The following NOTCH2NLB variants were observed in gnomAD, a reference collection of about 807,000 sequenced individuals.
NOTCH2NLB encodes the protein notch 2 N-terminal like B, also known as notch homolog 2 N-terminal-like protein B.
NOTCH2NLB carries 1 observed loss-of-function variant against 14.8 expected under a neutral mutation model. That is an observed-to-expected ratio of 0.07 (90% confidence interval 0.02 to 0.32). NOTCH2NLB has a LOEUF of 0.32. NOTCH2NLB is among the 10% of genes least tolerant of loss of function. NOTCH2NLB has a pLI of 1.00. For synonymous variants in NOTCH2NLB, 6 were observed against 57.5 expected (o/e 0.10, Z 4.05); for missense variants, 11 against 155.0 (o/e 0.07, Z 4.93).
At chr1:148,703,218 A>G in the NOTCH2NLB span, among the ~76,000 whole-genome samples, 22 of 76,820 alleles carry the variant, frequency 2.9e-4, no homozygotes, top group Middle Eastern at 8.5e-3. Context: ...TGAACCCAGG[A>G]GGCGGAGCTT....
At chr1:148,673,574 A>G (rs1664792134) in intron 1 of NOTCH2NLB, among the ~76,000 whole-genome samples, 1 of 102,740 alleles carries the variant, frequency 9.7e-6, no homozygotes, top group Non-Finnish European at 2.1e-5. Context: ...ATTCTAATGG[A>G]GGAATAAGGA....
chr1:148,693,085 G>A, the NOTCH2NLB span, among the ~76,000 whole-genome samples: 2 of 89,432 alleles, frequency 2.2e-5, no homozygotes, highest in African/African-American at 1.5e-4. Flanking sequence ...GAAGAAGAGA[G>A]CCGCCCCCCC....
At chr1:148,685,063 C>T in the NOTCH2NLB span, among the ~76,000 whole-genome samples, 3 of 59,400 alleles carry the variant, frequency 5.1e-5, no homozygotes, top group East Asian at 5.4e-4. Context: ...GGAGGTATTA[C>T]ACTTCAATTC....
chr1:148,661,120 GATGGGAT>G (rs1195634585), intron 1 of NOTCH2NLB, among the ~76,000 whole-genome samples: 2 of 144,882 alleles, frequency 1.4e-5, no homozygotes, highest in East Asian at 3.9e-4. Flanking sequence ...AGCAGATGCT[GATGGGAT>G]GATTGCACAT....
intron 1 of NOTCH2NLB, among the ~76,000 whole-genome samples, chr1:148,670,562 A>ATATATATATG (rs1664754774): frequency 1.4e-5 from 2 of 139,056 alleles, no homozygotes; most frequent in African/African-American, 5.1e-5. Context: ...ACATATATAT[A>ATATATATATG]TATATATATA....
chr1:148,680,704 G>A (rs1167617863), upstream of NOTCH2NLB, among the ~76,000 whole-genome samples: 3 of 145,668 alleles, frequency 2.1e-5, no homozygotes, highest in African/African-American at 4.9e-5. Context: ...GAAAATAATC[G>A]CAGAGGGAGA....
At chr1:148,693,444 CA>C in the NOTCH2NLB span, among the ~76,000 whole-genome samples, 1 of 135,680 alleles carries the variant, frequency 7.4e-6, no homozygotes, top group South Asian at 2.7e-4. Context: ...CTCCATTTAA[CA>C]AATAAAGATA....
intron 1 of NOTCH2NLB, among the ~76,000 whole-genome samples, chr1:148,661,401 C>T (rs1424323336): frequency 6.7e-6 from 1 of 150,054 alleles, no homozygotes; most frequent in African/African-American, 2.4e-5. Flanking sequence ...ATACTTAATT[C>T]AGATATTCAA....
the NOTCH2NLB span, among the ~76,000 whole-genome samples, chr1:148,697,835 GC>G: frequency 1.9e-5 from 1 of 52,412 alleles, no homozygotes; most frequent in Non-Finnish European, 4.4e-5. Context: ...AGATAAATAA[GC>G]TGTCCCCTCA....
chr1:148,686,388 AAAG>A, the NOTCH2NLB span, among the ~76,000 whole-genome samples: 1 of 10,020 alleles, frequency 1.0e-4, no homozygotes, highest in Admixed American at 1.2e-3. Context: ...CTAAGCAGAA[AAAG>A]AAGAACAGAT....
downstream of NOTCH2NLB, among the ~76,000 whole-genome samples, chr1:148,606,739 TG>T (rs1249954501): frequency 1.3e-5 from 1 of 74,262 alleles, no homozygotes; most frequent in Non-Finnish European, 2.3e-5. Flanking sequence ...CAGTGAAGAG[TG>T]TAACAAAGTA....
chr1:148,604,472 T>TAA (rs1270838778), downstream of NOTCH2NLB, among the ~76,000 whole-genome samples: 4 of 38,350 alleles, frequency 1.0e-4, no homozygotes, highest in African/African-American at 5.2e-4. Context: ...CAGAATACTT[T>TAA]AACAAGCTAC....
chr1:148,700,004 C>A, the NOTCH2NLB span, among the ~76,000 whole-genome samples: 3 of 91,726 alleles, frequency 3.3e-5, 1 homozygote, highest in Non-Finnish European at 7.2e-5. Context: ...TATCCATTAG[C>A]TATTCTTCCC....
At chr1:148,627,801 T>C (rs1200901517) in intron 2 of NOTCH2NLB, among the ~76,000 whole-genome samples, 5 of 141,358 alleles carry the variant, frequency 3.5e-5, no homozygotes, top group Non-Finnish European at 7.8e-5. Context: ...AAATTATTAA[T>C]TCTCATACTC....
At chr1:148,616,387 A>AACTT (rs1322306516) in intron 2 of NOTCH2NLB, among the ~76,000 whole-genome samples, 1 of 148,706 alleles carries the variant, frequency 6.7e-6, no homozygotes, top group Non-Finnish European at 1.5e-5. Flanking sequence ...ATAATGCATG[A>AACTT]ACTTGACCCT....
At chr1:148,645,895 C>T (rs1185093727) in intron 1 of NOTCH2NLB, among the ~76,000 whole-genome samples, 11 of 150,564 alleles carry the variant, frequency 7.3e-5, no homozygotes, top group Admixed American at 4.0e-4. Context: ...TGAAGCAATG[C>T]AGTTAAGCAG....
chr1:148,628,206 G>A (rs1161247476), intron 2 of NOTCH2NLB, among the ~76,000 whole-genome samples: 6 of 127,938 alleles, frequency 4.7e-5, no homozygotes, highest in Non-Finnish European at 7.9e-5. Context: ...GTCTTTCATC[G>A]GTTGTTGATA....
At chr1:148,604,924 C>A (rs1663459690), downstream of NOTCH2NLB, among the ~76,000 whole-genome samples, 1 of 138,670 alleles carries the variant, frequency 7.2e-6, no homozygotes. Context: ...TATGTAACTA[C>A]TTTTAAACAT....
intron 2 of NOTCH2NLB, among the ~76,000 whole-genome samples, chr1:148,639,147 C>G: frequency 7.1e-6 from 1 of 141,792 alleles, no homozygotes; most frequent in Non-Finnish European, 1.5e-5. Context: ...GCTCTTAAGC[C>G]AAGAACTAGC....
Sources: gnomAD v4.1 joint callset for allele counts (sites outside exome capture counted in the v4.1 genomes callset) on GRCh38, gnomAD v4.1.1 for gene constraint, MANE v1.5 for transcripts, NCBI Gene and HGNC (gene_info 2026-07-23, HGNC 2026-07-21) for gene names.